Variants in LAMB1 observed in about 807,000 individuals in gnomAD.
LAMB1 encodes laminin subunit beta 1.
Under a neutral mutation model 222.3 loss-of-function variants are expected in LAMB1, and 121 were observed. The observed-to-expected ratio is 0.54, with a 90% CI of 0.47 to 0.63. LAMB1 has a LOEUF of 0.63. Among genes scored for constraint, LAMB1 ranks in the 30% least tolerant of loss-of-function variants. The pLI is 0.00. For missense variants in LAMB1, 2,172 were observed against 2,240.8 expected (o/e 0.97, Z 0.62); for synonymous variants, 794 against 807.2 (o/e 0.98, Z 0.28).
At chr7:107,926,438 T>G in intron 31 of LAMB1, 79 bp from the exon 32 acceptor site, 1 of 1,235,632 alleles carries the variant, frequency 8.1e-7, no homozygotes, top group Non-Finnish European at 1.1e-6. Flanking sequence ...GAGGAAGATT[T>G]AAAAGTCTGC....
At chr7:107,931,060 T>C (rs928038832) in intron 29 of LAMB1, among the ~76,000 whole-genome samples, 1 of 151,940 alleles carries the variant, frequency 6.6e-6, no homozygotes, top group African/African-American at 2.4e-5. Context: ...TTCTTTAAGG[T>C]TAGAAATTAC....
chr7:107,959,218 T>C (rs2033440541), intron 20 of LAMB1, 31 bp downstream of exon 20: 4 of 1,558,490 alleles, frequency 2.6e-6, no homozygotes, highest in South Asian at 1.1e-5. Flanking sequence ...CAGAGATCAC[T>C]ACATTCTCCT....
chr7:107,928,317 A>AGACT (rs2032616912), intron 31 of LAMB1, among the ~76,000 whole-genome samples: 1 of 152,264 alleles, frequency 6.6e-6, no homozygotes, highest in African/African-American at 2.4e-5. Context: ...TATTGAAAGC[A>AGACT]GACTGACTGT....
chr7:107,968,365 A>C (rs140410136), intron 13 of LAMB1, among the ~76,000 whole-genome samples: 1 of 152,326 alleles, frequency 6.6e-6, no homozygotes, highest in Non-Finnish European at 1.5e-5. Context: ...TAAGGACATA[A>C]AATAAATAAG....
chr7:107,998,215 G>C (rs1469134433), intron 4 of LAMB1, 142 bp downstream of exon 4: 4 of 725,958 alleles, frequency 5.5e-6, no homozygotes, highest in Middle Eastern at 2.4e-4. Flanking sequence ...AGAGAAGTTA[G>C]TGCTCCAGGC....
At chr7:107,976,104 C>G (rs2150439293) in intron 9 of LAMB1, among the ~76,000 whole-genome samples, 1 of 152,258 alleles carries the variant, frequency 6.6e-6, no homozygotes, top group African/African-American at 2.4e-5. Flanking sequence ...AAACAGTTAT[C>G]TGACCTCTGT....
chr7:107,940,160 G>A lies in LAMB1; in HGVS notation c.3590C>T (p.Thr1197Ile), dbSNP rs781647535. The change falls in exon 25 of 34, where the codon ACA becomes ATA. Residue 1197 changes from threonine (T) to isoleucine (I), a missense_variant. Coordinates refer to ENST00000222399, the MANE Select transcript of LAMB1 (RefSeq NM_002291.3). ...DVIIAELTNR[T>I]HRFLEKAKAL... ...CTTGGCTTTCTCCAGGAATCTGTGT[G>A]TCCTGTTGGTCAGCTCGGCAATGAT... 2.5e-6 allele frequency: 4 copies of A among 1,614,152 alleles called. No homozygotes were observed. The highest frequency in any genetic ancestry group is 3.4e-6 in the Non-Finnish European group (4 of 1,180,014).
At chr7:107,962,783 A>C (rs1285309686) in intron 15 of LAMB1, 122 bp downstream of exon 15, 1 of 624,110 alleles carries the variant, frequency 1.6e-6, no homozygotes, top group African/African-American at 1.9e-5. Context: ...AGACTATAGG[A>C]ATCTGATCTG....
intron 14 of LAMB1, among the ~76,000 whole-genome samples, chr7:107,963,961 G>A (rs937880880): frequency 6.6e-6 from 1 of 152,230 alleles, no homozygotes; most frequent in African/African-American, 2.4e-5. Flanking sequence ...AGCCAGGCGT[G>A]GTGGCACATG....
In LAMB1 at chr7:107,951,337, C is replaced by T. The variant is rs1222729057; in HGVS notation, c.3295-15G>A. On this transcript the variant is annotated splice_polypyrimidine_tract_variant and intron_variant, in intron 23 of 33. Transcript: ENST00000222399. ...TGCCCCGTGAACTGCGGCCAGAACA[C>T]AGACCTTGGTCAAGCAGGCTTCAGG... 6.2e-7 allele frequency: 1 copy of T among 1,613,138 alleles called. No individual in the cohort carries two copies. The highest frequency in any genetic ancestry group is 1.7e-5 in the Admixed American group (1 of 59,958).
rs537351713 is a variant in LAMB1, at chr7:107,977,514, G to A, written c.1000+533C>T. Among the ~76,000 whole-genome samples the A allele has an allele frequency of 3.9e-5, 6 of 152,162 alleles. No homozygotes were observed. The East Asian group carries it at 9.6e-4, about 24-fold the overall frequency. ...CTTGCCTTAAAAACAGCCCTGGCGCGGTGGCTCACATCTGTAAACTCCCAG... is the reference window on the plus strand; with the variant it reads ...CTTGCCTTAAAAACAGCCCTGGCGCAGTGGCTCACATCTGTAAACTCCCAG... On this transcript the variant is annotated intron_variant, in intron 9 of 33. Coordinates refer to ENST00000222399, the MANE Select transcript of LAMB1 (RefSeq NM_002291.3).
At chr7:107,961,379 A>G (rs765871266) in intron 16 of LAMB1, 50 bp from the exon 17 acceptor site, 3 of 1,597,840 alleles carry the variant, frequency 1.9e-6, no homozygotes, top group Admixed American at 1.8e-5. Context: ...ACCTTCATGC[A>G]TCCAAAAAAT....
chr7:107,937,380 C>A, intron 25 of LAMB1, 103 bp from the exon 26 acceptor site: 2 of 846,418 alleles, frequency 2.4e-6, no homozygotes, highest in East Asian at 2.5e-5. Flanking sequence ...AATTTCAAAC[C>A]AATTCAGTAA....
intron 24 of LAMB1, among the ~76,000 whole-genome samples, chr7:107,947,344 T>C (rs1041155229): frequency 6.6e-6 from 1 of 152,202 alleles, no homozygotes; most frequent in Non-Finnish European, 1.5e-5. Flanking sequence ...ATTTATGCCC[T>C]CTAACAACCA....
chr7:107,971,673 T>G (rs150873740), intron 13 of LAMB1, among the ~76,000 whole-genome samples: 655 of 152,324 alleles, frequency 4.3e-3, no homozygotes, highest in African/African-American at 0.015. Flanking sequence ...TAGACAATTT[T>G]GCTTCCCAAA....
chr7:107,973,248 C>T (rs1430991762), intron 12 of LAMB1, among the ~76,000 whole-genome samples, 177 bp from the exon 13 acceptor site: 2 of 152,218 alleles, frequency 1.3e-5, no homozygotes, highest in Non-Finnish European at 2.9e-5. Context: ...GAGCTGTAGG[C>T]ACTGGCGTAA....
chr7:107,975,457 C>A (rs951955721), intron 10 of LAMB1, 44 bp from the exon 11 acceptor site: 4 of 1,532,012 alleles, frequency 2.6e-6, no homozygotes, highest in Non-Finnish European at 3.5e-6. Context: ...GGAGGAAACT[C>A]AATGTATCTT....
intron 26 of LAMB1, 115 bp from the exon 27 acceptor site, chr7:107,935,771 T>C (rs2032833950): frequency 1.7e-6 from 2 of 1,193,210 alleles, no homozygotes; most frequent in Non-Finnish European, 2.3e-6. Flanking sequence ...GTTTTAAAAT[T>C]CAAGAAAAAA....
intron 32 of LAMB1, among the ~76,000 whole-genome samples, chr7:107,924,986 G>GATAAA (rs2032525975): frequency 6.6e-6 from 1 of 152,150 alleles, no homozygotes; most frequent in Non-Finnish European, 1.5e-5. Flanking sequence ...TTTCTCTTGT[G>GATAAA]ATAAAATGTC....
Sources: gnomAD v4.1 joint callset for allele counts (sites outside exome capture counted in the v4.1 genomes callset) on GRCh38, gnomAD v4.1.1 for gene constraint, MANE v1.5 for transcripts, NCBI Gene and HGNC (gene_info 2026-07-23, HGNC 2026-07-21) for gene names.